Variants in ACOX3 observed in about 807,000 individuals in gnomAD.
ACOX3 encodes acyl-CoA oxidase 3, pristanoyl, also known as peroxisomal acyl-coenzyme A oxidase 3.
Under a neutral mutation model 81.5 loss-of-function variants are expected in ACOX3, and 73 were observed. The observed-to-expected ratio is 0.90, with a 90% CI of 0.74 to 1.09. The LOEUF is 1.09. Ranked by LOEUF, ACOX3 falls within the 50% of genes least tolerant of loss-of-function variation. The probability of loss-of-function intolerance (pLI) is 0.00; values close to 1 mark genes in which losing one functional copy is unlikely to be tolerated. For synonymous variants in ACOX3, 387 were observed against 375.1 expected (o/e 1.03, Z -0.37); for missense variants, 947 against 928.0 (o/e 1.02, Z -0.27).
At chr4:8,377,231 C>G (rs879653002) in intron 14 of ACOX3, among the ~76,000 whole-genome samples, 2 of 152,264 alleles carry the variant, frequency 1.3e-5, no homozygotes, top group Admixed American at 1.3e-4. Flanking sequence ...GTCCTTGAAC[C>G]GAATCTGAGT....
At position 8,381,738 on chromosome 4, in the gene ACOX3, A is replaced by T; in HGVS notation, c.1538-131T>A. 2 of 672,988 alleles carry T rather than the reference A, an allele frequency of 3.0e-6. No homozygotes were observed. The highest frequency in any genetic ancestry group is 2.7e-5 in the East Asian group (1 of 36,752). The allele number at this position is 672,988 out of a possible 1,614,324, so 41.7% of individuals were successfully genotyped here. On this transcript the variant is annotated intron_variant, in intron 13 of 17. Coordinates refer to ENST00000356406, the MANE Select transcript of ACOX3 (RefSeq NM_003501.3). The surrounding 1 kb of genome is among the most constrained non-coding windows in gnomAD (Gnocchi z 4.3). ...GTTGTCTTCATTGACAACCAAGTGTATGGGGTGGGTCTGATTTTATAGGTA... is the reference window on the plus strand; with the variant it reads ...GTTGTCTTCATTGACAACCAAGTGTTTGGGGTGGGTCTGATTTTATAGGTA...
rs1229738133 is a variant in ACOX3 at position 8,389,920 on chromosome 4, C to T, written c.1301-186G>A. Among the ~76,000 whole-genome samples, 1 of 152,016 alleles carries T rather than the reference C, an allele frequency of 6.6e-6. No homozygotes were observed. Among genetic ancestry groups the T allele is most frequent in the Non-Finnish European group, 1.5e-5 (1 of 68,024 alleles). ...AGGTGTTCAAGACCAGCCTGACCAA[C>T]ATGGTGAAACCCACCTCTACTAAAA... On this transcript the variant is annotated intron_variant, in intron 11 of 17. Transcript: ENST00000356406. This position sits in a 1 kb window ranked among gnomAD's most constrained non-coding sequence, Gnocchi z 5.3.
chr4:8,432,800 G>C lies in ACOX3; in HGVS notation c.-15+7848C>G, dbSNP rs1252517091. On this transcript the variant is annotated intron_variant, in intron 1 of 17. Coordinates refer to ENST00000356406, the MANE Select transcript of ACOX3 (RefSeq NM_003501.3). This position sits in a 1 kb window ranked among gnomAD's most constrained non-coding sequence, Gnocchi z 6.2. ...ACTTAGACGCTGACAACTCAGAATGGAGGGGCTTTAAGGGTCCCAGGTGAG... is the reference window on the plus strand; with the variant it reads ...ACTTAGACGCTGACAACTCAGAATGCAGGGGCTTTAAGGGTCCCAGGTGAG... Among the ~76,000 whole-genome samples the C allele has an allele frequency of 2.0e-5, 3 of 152,222 alleles. No individual in the cohort carries two copies. Among genetic ancestry groups the C allele is most frequent in the Non-Finnish European group, 2.9e-5 (2 of 68,042 alleles).
Position 8,367,094 on chromosome 4 carries a change from G to A in ACOX3, c.1984-14C>T, listed in dbSNP as rs766111545. 18 of 1,612,350 alleles carry A rather than the reference G, an allele frequency of 1.1e-5. No homozygotes were observed. The highest frequency in any genetic ancestry group is 5.0e-5 in the Admixed American group (3 of 59,942). Reference sequence around the variant, plus strand: ...GTTTTTGTAGAGCTGCAAACAACACGTACACAGCAAGTGAAGACAAAGAAA... The same window carrying A: ...GTTTTTGTAGAGCTGCAAACAACACATACACAGCAAGTGAAGACAAAGAAA... On this transcript the variant is annotated splice_polypyrimidine_tract_variant and intron_variant, in intron 17 of 17. Coordinates refer to ENST00000356406, the MANE Select transcript of ACOX3 (RefSeq NM_003501.3).
chr4:8,398,514 C>T (rs1411245395), intron 8 of ACOX3, among the ~76,000 whole-genome samples: 1 of 152,186 alleles, frequency 6.6e-6, no homozygotes, highest in Non-Finnish European at 1.5e-5. Context: ...CAGGGTCTCG[C>T]TCTGTTGCCC....
chr4:8,373,065 A>T (rs1373400146), intron 16 of ACOX3, among the ~76,000 whole-genome samples: 1 of 152,186 alleles, frequency 6.6e-6, no homozygotes, highest in Non-Finnish European at 1.5e-5. Flanking sequence ...TTCCTGGGTG[A>T]CATAGGTAAA....
the ACOX3 span, chr4:8,356,056 T>C: frequency 1.4e-4 from 28 of 195,724 alleles, no homozygotes; most frequent in Non-Finnish European, 2.6e-4. Context: ...TCCTACATTC[T>C]AGAGGGAATG....
intron 1 of ACOX3, among the ~76,000 whole-genome samples, chr4:8,422,234 CAAAGAGAGAAAG>C (rs1035663460): frequency 6.6e-6 from 1 of 151,446 alleles, no homozygotes; most frequent in Non-Finnish European, 1.5e-5. Flanking sequence ...GAGAGACAGT[CAAAGAGAGAAAG>C]AAAGAGAGAG....
rs745686829 is a variant in ACOX3 at position 8,414,243 on chromosome 4, A to T, written c.543+49T>A. 1 of 1,491,250 alleles carries T rather than the reference A, an allele frequency of 6.7e-7. No individual in the cohort carries two copies. The highest frequency in any genetic ancestry group is 9.3e-7 in the Non-Finnish European group (1 of 1,070,278). The allele number at this position is 1,491,250 out of a possible 1,614,324, so 92.4% of individuals were successfully genotyped here. A position where few individuals can be genotyped will look rare whatever the true frequency, so the allele number is the denominator to read the frequency against. On this transcript the variant is annotated intron_variant, in intron 5 of 17. Coordinates refer to ENST00000356406, the MANE Select transcript of ACOX3 (RefSeq NM_003501.3). The surrounding 1 kb of genome is among the most constrained non-coding windows in gnomAD (Gnocchi z 6.1). Reference sequence around the variant, plus strand: ...CTGGGCAACGGCATTTGCACTCATGACGTCTCATATGCTCCAAACTCAGGG... The same window carrying T: ...CTGGGCAACGGCATTTGCACTCATGTCGTCTCATATGCTCCAAACTCAGGG...
intron 7 of ACOX3, among the ~76,000 whole-genome samples, chr4:8,402,902 C>T (rs985720344): frequency 6.6e-6 from 1 of 152,210 alleles, no homozygotes; most frequent in Non-Finnish European, 1.5e-5. Flanking sequence ...TTCCTTCCTC[C>T]TTTGGGGCCT....
chr4:8,381,398 C>G lies in ACOX3; in HGVS notation c.1653+94G>C. 8.5e-7 allele frequency: 1 copy of G among 1,178,308 alleles called. No individual in the cohort carries two copies. The highest frequency in any genetic ancestry group is 1.2e-6 in the Non-Finnish European group (1 of 813,002). 73.0% of individuals were successfully genotyped at this position (1,178,308 alleles called of 1,614,324 possible). On this transcript the variant is annotated intron_variant, in intron 14 of 17. Coordinates refer to ENST00000356406, the MANE Select transcript of ACOX3 (RefSeq NM_003501.3). This position sits in a 1 kb window ranked among gnomAD's most constrained non-coding sequence, Gnocchi z 4.3. ...GTCACGGGAGCTCGGGGTCTGGGGC[C>G]TGAATTGCCAGGATGTTCAAACTCC...
rs1256023463 is a variant in ACOX3, at chr4:8,431,882, A to G, written c.-15+8766T>C. Reference sequence around the variant, plus strand: ...ATTGTTGTTATGTGCACACATTGTTAAAGCTAAAGTTGCCTCCCACCCTCC... The same window carrying G: ...ATTGTTGTTATGTGCACACATTGTTGAAGCTAAAGTTGCCTCCCACCCTCC... On this transcript the variant is annotated intron_variant, in intron 1 of 17. Coordinates refer to ENST00000356406, the MANE Select transcript of ACOX3 (RefSeq NM_003501.3). The surrounding 1 kb of genome is among the most constrained non-coding windows in gnomAD (Gnocchi z 5.3). Among the ~76,000 whole-genome samples, 1 of 152,220 alleles carries G rather than the reference A, an allele frequency of 6.6e-6. No individual in the cohort carries two copies. The highest frequency in any genetic ancestry group is 1.5e-5 in the Non-Finnish European group (1 of 68,042).
chr4:8,392,253 C>T (rs149691985), intron 11 of ACOX3, 80 bp downstream of exon 11: 60 of 1,353,456 alleles, frequency 4.4e-5, no homozygotes, highest in South Asian at 1.6e-4. Context: ...GTCCTCAGGC[C>T]GCAGTCTGCC....
At chr4:8,367,143 G>A (rs1469469624) in intron 17 of ACOX3, 63 bp from the exon 18 acceptor site, 2 of 1,582,862 alleles carry the variant, frequency 1.3e-6, no homozygotes, top group South Asian at 1.1e-5. Context: ...ATTCCTAGAC[G>A]GCTGAGTGTG....
intron 14 of ACOX3, 52 bp from the exon 15 acceptor site, chr4:8,375,204 G>C: frequency 5.4e-6 from 8 of 1,469,780 alleles, no homozygotes; most frequent in Non-Finnish European, 7.3e-6. Flanking sequence ...GCCCCGCCCA[G>C]ATTCCCGGGG....
At chr4:8,359,153 G>A in the ACOX3 span, among the ~76,000 whole-genome samples, 1 of 152,132 alleles carries the variant, frequency 6.6e-6, no homozygotes, top group African/African-American at 2.4e-5. This position sits in a 1 kb window ranked among gnomAD's most constrained non-coding sequence, Gnocchi z 6.0. Context: ...GAGTAACTTT[G>A]GGTAAGTGGT....
chr4:8,403,675 G>T (rs1377807212), intron 7 of ACOX3, among the ~76,000 whole-genome samples: 1 of 152,230 alleles, frequency 6.6e-6, no homozygotes, highest in East Asian at 1.9e-4. Flanking sequence ...TACCATATCA[G>T]TGTGATGTAT....
chr4:8,408,294 C>T (rs1029669108), intron 6 of ACOX3, among the ~76,000 whole-genome samples: 1 of 151,580 alleles, frequency 6.6e-6, no homozygotes, highest in Non-Finnish European at 1.5e-5. Context: ...AAGAAACCTG[C>T]AAAAGATGCC....
intron 16 of ACOX3, 77 bp from the exon 17 acceptor site, chr4:8,371,071 G>A (rs1716130360): frequency 9.2e-6 from 13 of 1,405,926 alleles, no homozygotes; most frequent in Non-Finnish European, 1.3e-5. Flanking sequence ...AGCCCCGTGT[G>A]TGGTTGCCAG....
Sources: gnomAD v4.1 joint callset for allele counts (sites outside exome capture counted in the v4.1 genomes callset) on GRCh38, gnomAD v4.1.1 for gene constraint, Gnocchi (gnomAD v3.1) non-coding constraint, MANE v1.5 for transcripts, NCBI Gene and HGNC (gene_info 2026-07-23, HGNC 2026-07-21) for gene names.